The following PRTFDC1 variants were observed in gnomAD, a reference collection of about 807,000 sequenced individuals.
PRTFDC1 encodes the protein phosphoribosyl transferase domain containing 1, also known as phosphoribosyltransferase domain-containing protein 1.
PRTFDC1 carries 38 observed loss-of-function variants against 34.6 expected under a neutral mutation model. That is an observed-to-expected ratio of 1.10 (90% CI 0.85 to 1.44). The LOEUF (loss-of-function observed/expected upper bound fraction) is 1.44, where lower values mean the gene tolerates loss of function less well. Ranked by LOEUF, PRTFDC1 falls within the 40% of genes most tolerant of loss-of-function variation. The probability of loss-of-function intolerance (pLI) is 0.00; values close to 1 mark genes in which losing one functional copy is unlikely to be tolerated. For synonymous variants in PRTFDC1, 93 were observed against 98.1 expected, an observed-to-expected ratio of 0.95 and a Z score of 0.31; for missense variants, 270 against 283.0, an observed-to-expected ratio of 0.95 and a Z score of 0.33.
chr10:24,895,768 A>T (rs1238292415), intron 3 of PRTFDC1, among the ~76,000 whole-genome samples: 1 of 145,136 alleles, frequency 6.9e-6, no homozygotes, highest in African/African-American at 2.5e-5. Context: ...TTCTCTATCC[A>T]TATATCTAGA....
At chr10:24,933,215 T>G (rs1164637391) in intron 3 of PRTFDC1, among the ~76,000 whole-genome samples, 1 of 151,956 alleles carries the variant, frequency 6.6e-6, no homozygotes, top group Non-Finnish European at 1.5e-5. Context: ...GGCAGATTTC[T>G]TAGGTACACC....
chr10:24,934,245 AAGG>A (rs752635718), intron 3 of PRTFDC1, among the ~76,000 whole-genome samples: 3,348 of 66,058 alleles, frequency 0.051, 41 homozygotes, highest in African/African-American at 0.068. Flanking sequence ...GAAGAAGAAG[AAGG>A]AGAAGAAGAA....
intron 3 of PRTFDC1, among the ~76,000 whole-genome samples, chr10:24,876,887 G>T (rs900814704): frequency 6.9e-6 from 1 of 144,122 alleles, no homozygotes; most frequent in Admixed American, 7.3e-5. Context: ...TCCTCCACTG[G>T]TACACTGGAG....
chr10:24,852,400 G>A lies in PRTFDC1; in HGVS notation c.554-936C>T, dbSNP rs1847506177. Among the ~76,000 whole-genome samples the A allele has an allele frequency of 2.6e-5, 4 of 152,078 alleles. No homozygotes were observed. In the South Asian group the frequency reaches 8.3e-4, roughly 32 times the overall value. The stretch of plus-strand genomic sequence containing the variant: ...ACTCTTGACCTCAAGTGATCCATCC[G>A]CCTCAGTCTCCCAAAGTGCTGGGAT... On this transcript the variant is annotated intron_variant, in intron 7 of 8. Coordinates refer to ENST00000320152, the MANE Select transcript of PRTFDC1 (RefSeq NM_020200.7).
intron 3 of PRTFDC1, among the ~76,000 whole-genome samples, chr10:24,910,076 G>C (rs113707130): frequency 2.0e-5 from 3 of 151,908 alleles, no homozygotes; most frequent in African/African-American, 7.3e-5. Context: ...CAGGAGAATC[G>C]CTTGAACCCA....
intron 1 of PRTFDC1, among the ~76,000 whole-genome samples, chr10:24,950,389 T>A (rs1849321216): frequency 6.6e-6 from 1 of 152,142 alleles, no homozygotes; most frequent in Admixed American, 6.5e-5. Context: ...AATGCTCCAG[T>A]AAGCATCTCC....
chr10:24,859,156 T>C lies in PRTFDC1; in HGVS notation c.406-747A>G, dbSNP rs551642503. Among the ~76,000 whole-genome samples the C allele has an allele frequency of 2.6e-5, 4 of 151,924 alleles. No homozygotes were observed. The South Asian group carries it at 8.4e-4, about 32-fold the overall frequency. On this transcript the variant is annotated intron_variant, in intron 4 of 8. Coordinates refer to ENST00000320152, the MANE Select transcript of PRTFDC1 (RefSeq NM_020200.7). ...AATGGTTTAGCATCATCATGCCCCT[T>C]GGTGGTGTTGTATCTGGTTGTTTAA...
chr10:24,939,253 A>T (rs918824473), intron 2 of PRTFDC1, among the ~76,000 whole-genome samples: 4 of 148,956 alleles, frequency 2.7e-5, no homozygotes, highest in African/African-American at 9.9e-5. Context: ...GTAAGCCCAG[A>T]CTGTGCTATT....
chr10:24,866,842 G>C (rs1171685346), intron 4 of PRTFDC1, among the ~76,000 whole-genome samples: 2 of 148,878 alleles, frequency 1.3e-5, no homozygotes, highest in African/African-American at 5.0e-5. Context: ...GAGAGAGAAA[G>C]GAATTTTAAA....
At chr10:24,885,526 C>T (rs1848151022) in intron 3 of PRTFDC1, among the ~76,000 whole-genome samples, 1 of 152,200 alleles carries the variant, frequency 6.6e-6, no homozygotes, top group Non-Finnish European at 1.5e-5. Flanking sequence ...CTGCCTCAGC[C>T]TCCTGAATAG....
chr10:24,864,290 C>T (rs763685078), intron 4 of PRTFDC1, among the ~76,000 whole-genome samples: 1 of 152,176 alleles, frequency 6.6e-6, no homozygotes, highest in African/African-American at 2.4e-5. Flanking sequence ...AAAGCAGTAG[C>T]ATGGCTGGAG....
At chr10:24,908,577 A>G (rs1375193352) in intron 3 of PRTFDC1, 3 of 1,612,756 alleles carry the variant, frequency 1.9e-6, no homozygotes, top group East Asian at 2.2e-5. Context: ...TAACCTCTCC[A>G]GAGGGTATTT....
intron 3 of PRTFDC1, among the ~76,000 whole-genome samples, chr10:24,918,198 G>T (rs1171132342): frequency 6.6e-6 from 1 of 152,018 alleles, no homozygotes; most frequent in Non-Finnish European, 1.5e-5. Context: ...TCATTTAACT[G>T]GGTTCTTCTT....
chr10:24,863,940 G>A (rs1202623447), intron 4 of PRTFDC1, among the ~76,000 whole-genome samples: 2 of 149,934 alleles, frequency 1.3e-5, no homozygotes, highest in Admixed American at 6.7e-5. Flanking sequence ...GATCACCTGA[G>A]CCTGGGGAGG....
intron 1 of PRTFDC1, among the ~76,000 whole-genome samples, chr10:24,950,259 T>C (rs777457383): frequency 1.2e-4 from 18 of 152,172 alleles, no homozygotes; most frequent in Admixed American, 3.3e-4. Context: ...GAGTACCCCT[T>C]ATCCAAAATG....
At chr10:24,927,426 G>A (rs1237794661) in intron 3 of PRTFDC1, among the ~76,000 whole-genome samples, 1 of 152,054 alleles carries the variant, frequency 6.6e-6, no homozygotes, top group East Asian at 1.9e-4. Context: ...TATTCCTGAT[G>A]TACTCTTTAG....
intron 3 of PRTFDC1, among the ~76,000 whole-genome samples, chr10:24,888,412 A>G (rs1167367592): frequency 6.6e-6 from 1 of 152,204 alleles, no homozygotes; most frequent in Non-Finnish European, 1.5e-5. Flanking sequence ...TAAATGTCAT[A>G]TGTAAAGTGC....
intron 3 of PRTFDC1, among the ~76,000 whole-genome samples, chr10:24,906,155 C>T (rs1848531391): frequency 6.6e-6 from 1 of 152,176 alleles, no homozygotes; most frequent in Non-Finnish European, 1.5e-5. Context: ...ATCAGGCTTC[C>T]TCCTGTAATC....
At chr10:24,893,256 TTCTCTCTCTCTCTCTTTC>T (rs1469554589) in intron 3 of PRTFDC1, among the ~76,000 whole-genome samples, 5 of 150,948 alleles carry the variant, frequency 3.3e-5, no homozygotes, top group South Asian at 4.2e-4. Flanking sequence ...GATTCTTTTG[TTCTCTCTCTCTCTCTTTC>T]TCTCTCTCTC....
Sources: gnomAD v4.1 joint callset for allele counts (sites outside exome capture counted in the v4.1 genomes callset) on GRCh38, gnomAD v4.1.1 for gene constraint, MANE v1.5 for transcripts, NCBI Gene and HGNC (gene_info 2026-07-23, HGNC 2026-07-21) for gene names.